The following SGK2 variants were observed in gnomAD, a reference collection of about 807,000 sequenced individuals.
The protein encoded by SGK2 is serine/threonine-protein kinase Sgk2.
In SGK2, 36 loss-of-function variants were observed where a neutral mutation model predicts 47.5. The observed-to-expected ratio is 0.76, with a 90% CI of 0.58 to 1.00. SGK2 has a LOEUF of 1.00. Among genes scored for constraint, SGK2 ranks in the 50% least tolerant of loss-of-function variants. The pLI is 0.00. For synonymous variants in SGK2, 157 were observed against 181.9 expected (o/e 0.86, Z 1.10); for missense variants, 404 against 467.4 (o/e 0.86, Z 1.25).
chr20:43,569,502 G>T lies in SGK2; in HGVS notation c.346G>T (p.Val116Phe). 1 of 1,613,248 alleles carries T rather than the reference G, an allele frequency of 6.2e-7. No homozygotes were observed. Among genetic ancestry groups the T allele is most frequent in the Non-Finnish European group, 8.5e-7 (1 of 1,180,002 alleles). Residue 116 changes from valine to phenylalanine, a missense_variant, in exon 6 of 13, where the codon GTC becomes TTC. Val to Phe is a conservative substitution (Grantham distance 50). Coordinates refer to ENST00000373100, the MANE Select transcript of SGK2 (RefSeq NM_170693.3). ...PEKLYFVLDY[V>F]NGGELFFHLQ... is the part of the protein sequence containing the mutation. ...GAAGCTCTACTTCGTGCTCGACTAT[G>T]TCAACGGGGGAGAGGTGGGTGGGCC...
intron 12 of SGK2, among the ~76,000 whole-genome samples, chr20:43,584,449 A>G (rs1242143294): frequency 1.3e-4 from 19 of 151,854 alleles, no homozygotes; most frequent in Admixed American, 1.2e-3. Flanking sequence ...ATATCACCCT[A>G]TTTTCTCTTC....
chr20:43,566,628 G>C, intron 2 of SGK2, 97 bp downstream of exon 2: 1 of 837,786 alleles, frequency 1.2e-6, no homozygotes, highest in East Asian at 2.5e-5. Flanking sequence ...GGGCTGAGAG[G>C]GTTACTGCGA....
chr20:43,571,064 G>A lies in SGK2; in HGVS notation c.510+4G>A. 1 of 1,564,860 alleles carries A rather than the reference G, an allele frequency of 6.4e-7. No homozygotes were observed. Among genetic ancestry groups the A allele is most frequent in the Non-Finnish European group, 8.7e-7 (1 of 1,150,754 alleles). The stretch of plus-strand genomic sequence containing the variant: ...GAACATTCTCTTGGACTGCCAGGTT[G>A]GTGTGTGTGTGTGTGTGTGTGTGTG... On this transcript the variant is annotated splice_donor_region_variant and intron_variant, in intron 8 of 12. Transcript: ENST00000373100.
intron 9 of SGK2, among the ~76,000 whole-genome samples, chr20:43,573,395 A>C (rs976649106): frequency 1.3e-4 from 20 of 149,236 alleles, no homozygotes; most frequent in Admixed American, 1.3e-3. Context: ...AGGCTGAGGC[A>C]GGAGAATCGC....
chr20:43,583,294 G>A, intron 12 of SGK2: 1 of 1,289,632 alleles, frequency 7.8e-7, no homozygotes, highest in Non-Finnish European at 1.0e-6. Flanking sequence ...TGGAATACTA[G>A]GCAGAGATGA....
intron 5 of SGK2, 88 bp downstream of exon 5, chr20:43,568,087 AG>A: frequency 9.5e-7 from 1 of 1,047,188 alleles, no homozygotes; most frequent in South Asian, 1.3e-5. Flanking sequence ...CACCTCTGAC[AG>A]GTCCATGGGC....
chr20:43,579,206 G>A (rs557664293), intron 11 of SGK2, among the ~76,000 whole-genome samples: 4 of 152,044 alleles, frequency 2.6e-5, no homozygotes, highest in Non-Finnish European at 4.4e-5. Context: ...TTGTAGAGAC[G>A]AGGTCAACCA....
intron 1 of SGK2, among the ~76,000 whole-genome samples, chr20:43,563,146 A>G (rs1322029277): frequency 2.0e-5 from 3 of 151,984 alleles, no homozygotes; most frequent in Middle Eastern, 3.4e-3. Context: ...AAAAAAAAAA[A>G]AAAGAAAGAA....
chr20:43,577,320 T>G (rs1213263753), intron 11 of SGK2, among the ~76,000 whole-genome samples: 1 of 150,784 alleles, frequency 6.6e-6, no homozygotes, highest in African/African-American at 2.4e-5. Context: ...CGGGCTTCTT[T>G]GCGGAGAGTG....
At chr20:43,583,543 C>T in intron 12 of SGK2, 1 of 985,440 alleles carries the variant, frequency 1.0e-6, no homozygotes, top group Non-Finnish European at 1.2e-6. Flanking sequence ...GACTTGCACA[C>T]TAAAGCAGAT....
chr20:43,567,771 C>T lies in SGK2; in HGVS notation c.144+49C>T. The T allele has an allele frequency of 5.0e-6, 8 of 1,591,300 alleles. 1 individual carries two copies. The highest frequency in any genetic ancestry group is 6.9e-6 in the Non-Finnish European group (8 of 1,159,794). On this transcript the variant is annotated intron_variant, in intron 4 of 12. Transcript: ENST00000373100. ...AAGCCTGGGTCTTCCCTTCTGCAGCCTCTTCCAGCCCCTGCTGCCACTTGT... is the reference window on the plus strand; with the variant it reads ...AAGCCTGGGTCTTCCCTTCTGCAGCTTCTTCCAGCCCCTGCTGCCACTTGT...
chr20:43,565,948 C>T (rs2145532202), intron 1 of SGK2: 2 of 181,290 alleles, frequency 1.1e-5, no homozygotes, highest in South Asian at 3.8e-4. Flanking sequence ...GATCGTAGCA[C>T]AGAGCCCAGC....
intron 1 of SGK2, among the ~76,000 whole-genome samples, chr20:43,562,072 G>A (rs1979419373): frequency 6.6e-6 from 1 of 152,072 alleles, no homozygotes; most frequent in Non-Finnish European, 1.5e-5. Flanking sequence ...GCAGACTGGG[G>A]CAGAGTGGAA....
intron 8 of SGK2, among the ~76,000 whole-genome samples, chr20:43,571,339 C>T (rs776063628): frequency 1.8e-4 from 28 of 152,066 alleles, no homozygotes; most frequent in Non-Finnish European, 3.1e-4. Context: ...AGACTGGGCT[C>T]CATGGAAACA....
intron 11 of SGK2, among the ~76,000 whole-genome samples, chr20:43,577,618 G>A (rs1980544627): frequency 6.6e-6 from 1 of 150,616 alleles, no homozygotes; most frequent in Admixed American, 6.6e-5. Flanking sequence ...CAAAGTGCTG[G>A]GATTACAGGA....
In SGK2 at chr20:43,585,080, T is replaced by G; in HGVS notation, c.*64T>G. On this transcript the variant is annotated 3_prime_UTR_variant, in exon 13 of 13. Transcript: ENST00000373100. ...TTAGTAAGGAATTACCTTCAGCTGC[T>G]AGGAAGAGCGACTCAAACTAACAAT... is the stretch of plus-strand genomic sequence containing the variant. 2.0e-6 allele frequency: 3 copies of G among 1,466,950 alleles called. No homozygotes were observed. The highest frequency in any genetic ancestry group is 2.8e-6 in the Non-Finnish European group (3 of 1,075,742). The allele number at this position is 1,466,950 out of a possible 1,614,324, so 90.9% of individuals were successfully genotyped here.
At chr20:43,575,103 A>T (rs1003353762) in intron 10 of SGK2, 99 bp downstream of exon 10, 1 of 739,296 alleles carries the variant, frequency 1.4e-6, no homozygotes, top group Non-Finnish European at 2.4e-6. Context: ...TGAGCAAGCC[A>T]TCTCTTCATT....
intron 7 of SGK2, 65 bp downstream of exon 7, chr20:43,570,794 G>T: frequency 7.4e-7 from 1 of 1,359,162 alleles, no homozygotes. Flanking sequence ...TAGGGGTTGT[G>T]TGGACACTAA....
intron 9 of SGK2, among the ~76,000 whole-genome samples, chr20:43,573,489 CAAAAAAA>C: frequency 9.0e-6 from 1 of 111,342 alleles, no homozygotes; most frequent in South Asian, 3.2e-4. Context: ...GACTCTGTCT[CAAAAAAA>C]AAAAAAAAAA....
Sources: allele counts gnomAD v4.1 joint callset (sites outside exome capture counted in the v4.1 genomes callset), GRCh38; gene constraint gnomAD v4.1.1; transcripts MANE v1.5; gene names NCBI Gene and HGNC (gene_info 2026-07-23, HGNC 2026-07-21).